SPATA16: variants seen among roughly 807,000 people sequenced by gnomAD.
SPATA16 encodes the protein spermatogenesis-associated protein 16.
In SPATA16, 36 loss-of-function variants were observed where a neutral mutation model predicts 63.3. The ratio of observed to expected loss-of-function variants is 0.57; its 90% CI spans 0.44 to 0.75. SPATA16 has a LOEUF of 0.75. Ranked by LOEUF, SPATA16 falls within the 30% of genes least tolerant of loss-of-function variation. SPATA16 has a pLI of 0.00. For missense variants in SPATA16, 646 were observed against 679.3 expected, an observed-to-expected ratio of 0.95 and a Z score of 0.54; for synonymous variants, 203 against 216.7, an observed-to-expected ratio of 0.94 and a Z score of 0.56.
At chr3:172,931,429 G>A (rs1052360626) in intron 6 of SPATA16, among the ~76,000 whole-genome samples, 1 of 152,032 alleles carries the variant, frequency 6.6e-6, no homozygotes, top group African/African-American at 2.4e-5. Context: ...TTAATTTTTA[G>A]TAGAGATGGG....
chr3:172,937,970 G>A (rs1560072615), intron 6 of SPATA16, among the ~76,000 whole-genome samples: 3 of 152,176 alleles, frequency 2.0e-5, no homozygotes, highest in South Asian at 4.2e-4. Flanking sequence ...CCTGAGAAGG[G>A]GGGTAAACAG....
chr3:172,907,121 A>C (rs28681616), intron 10 of SPATA16, among the ~76,000 whole-genome samples: 1 of 152,134 alleles, frequency 6.6e-6, no homozygotes, highest in Non-Finnish European at 1.5e-5. Context: ...CTGCAAGGGG[A>C]CTTAGAATCA....
At chr3:172,994,724 G>A (rs535982342) in intron 4 of SPATA16, among the ~76,000 whole-genome samples, 7 of 152,140 alleles carry the variant, frequency 4.6e-5, no homozygotes, top group African/African-American at 1.7e-4. Context: ...AAAGCATACT[G>A]CACATACAGT....
chr3:173,128,419 A>T (rs1738284153), intron 1 of SPATA16, among the ~76,000 whole-genome samples: 1 of 152,184 alleles, frequency 6.6e-6, no homozygotes, highest in Non-Finnish European at 1.5e-5. Flanking sequence ...TGTACTCACA[A>T]AAAGTTCATA....
chr3:173,027,032 A>G (rs1735468878), intron 3 of SPATA16, among the ~76,000 whole-genome samples: 1 of 151,928 alleles, frequency 6.6e-6, no homozygotes, highest in South Asian at 2.1e-4. Flanking sequence ...ATATTGAGTC[A>G]TCTGATCAAT....
rs533732674 is a variant in SPATA16, at chr3:173,019,719, C to T, written c.759-144G>A. On this transcript the variant is annotated intron_variant, in intron 3 of 10. Transcript: ENST00000351008. ...TAGTGAAAGGAGCCCTTCCCCGCCC[C>T]CCGTAATTGGCAATTAAGACAAATA... 50 of 720,400 alleles carry T rather than the reference C, an allele frequency of 6.9e-5. No homozygotes were observed. The South Asian group carries it at 7.6e-4, about 11-fold the overall frequency. The allele number at this position is 720,400 out of a possible 1,614,324, so 44.6% of individuals were successfully genotyped here.
At chr3:173,024,911 A>G (rs1735418765) in intron 3 of SPATA16, among the ~76,000 whole-genome samples, 1 of 150,714 alleles carries the variant, frequency 6.6e-6, no homozygotes, top group Non-Finnish European at 1.5e-5. Flanking sequence ...TTTTTACAAT[A>G]ATTTTAGCTT....
chr3:172,967,293 G>A (rs544793917), intron 5 of SPATA16, among the ~76,000 whole-genome samples: 1 of 152,224 alleles, frequency 6.6e-6, no homozygotes, highest in Admixed American at 6.5e-5. Flanking sequence ...GGCAAAAAAA[G>A]TAAAGAAAAA....
At chr3:172,962,253 CAAAAAAAAAAA>C (rs71162320) in intron 5 of SPATA16, among the ~76,000 whole-genome samples, 1 of 47,710 alleles carries the variant, frequency 2.1e-5, no homozygotes, top group Non-Finnish European at 3.6e-5. Flanking sequence ...GACTCTGTCT[CAAAAAAAAAAA>C]AAAAAAAAAA....
chr3:172,990,719 G>A (rs748692901), intron 4 of SPATA16, among the ~76,000 whole-genome samples: 4 of 152,162 alleles, frequency 2.6e-5, no homozygotes, highest in Admixed American at 6.6e-5. Flanking sequence ...GGAATAAAGT[G>A]TTATGCTCTT....
chr3:173,021,634 G>A (rs1180222400), intron 3 of SPATA16, among the ~76,000 whole-genome samples: 4 of 152,100 alleles, frequency 2.6e-5, no homozygotes, highest in African/African-American at 9.7e-5. Flanking sequence ...GTAAGTCAGA[G>A]TAGCTGAGGG....
intron 6 of SPATA16, among the ~76,000 whole-genome samples, chr3:172,930,553 CTTTTTTTT>C (rs34780432): frequency 1.0e-4 from 9 of 87,388 alleles, no homozygotes; most frequent in South Asian, 5.1e-4. Context: ...CATTCAAACT[CTTTTTTTT>C]TTTTTTTTTT....
Position 173,088,032 on chromosome 3 carries a change from T to A in SPATA16, c.612+29088A>T, listed in dbSNP as rs1177697534. Among the ~76,000 whole-genome samples the A allele has an allele frequency of 6.4e-4, 85 of 133,774 alleles. 3 individuals are homozygous for A. The highest frequency in any genetic ancestry group is 1.9e-3 in the African/African-American group (70 of 36,048). 87.8% of individuals were successfully genotyped at this position (133,774 alleles called of 152,430 possible). A position where few individuals can be genotyped will look rare whatever the true frequency, so the allele number is the denominator to read the frequency against. On this transcript the variant is annotated intron_variant, in intron 2 of 10. Coordinates refer to ENST00000351008, the MANE Select transcript of SPATA16 (RefSeq NM_031955.6). ...CGTCTTTCTTTCTTTCTTTCTTTCT[T>A]TCTTTCTTTCTTTCTTTCTTTCTTT...
chr3:173,064,897 G>A (rs7648142), intron 2 of SPATA16, among the ~76,000 whole-genome samples: 36,215 of 151,968 alleles, frequency 0.24, 5,860 homozygotes, highest in African/African-American at 0.47. Flanking sequence ...ACAAGCAGAG[G>A]AATACATCTA....
chr3:172,914,513 G>A lies in SPATA16; in HGVS notation c.1504-769C>T, dbSNP rs939988929. On this transcript the variant is annotated intron_variant, in intron 9 of 10. Transcript: ENST00000351008. ...CTTTCTTTGGTTTAGATATTGCAGCGTGAAAGCAGGAGGAGAGATAATTGA... is the reference window on the plus strand; with the variant it reads ...CTTTCTTTGGTTTAGATATTGCAGCATGAAAGCAGGAGGAGAGATAATTGA... 2.6e-5 allele frequency among the ~76,000 whole-genome samples: 4 copies of A among 152,086 alleles called. No individual in the cohort carries two copies. In the South Asian group the frequency reaches 6.2e-4, roughly 24 times the overall value.
chr3:172,894,019 A>T (rs1278810877), intron 10 of SPATA16, among the ~76,000 whole-genome samples: 1 of 152,212 alleles, frequency 6.6e-6, no homozygotes, highest in Non-Finnish European at 1.5e-5. Context: ...ATTCATCAGG[A>T]ATAAATATCA....
At chr3:173,014,449 AG>A (rs1735136080) in intron 4 of SPATA16, among the ~76,000 whole-genome samples, 1 of 152,304 alleles carries the variant, frequency 6.6e-6, no homozygotes, top group African/African-American at 2.4e-5. Flanking sequence ...GGAGAGAGGG[AG>A]GGGCGTAAGG....
At chr3:172,985,038 A>G (rs758257172) in intron 4 of SPATA16, among the ~76,000 whole-genome samples, 10 of 152,142 alleles carry the variant, frequency 6.6e-5, no homozygotes, top group Admixed American at 3.3e-4. Context: ...ATTTCATGTC[A>G]AGCTGTTGAC....
chr3:173,028,024 T>C (rs1735502528), intron 3 of SPATA16, among the ~76,000 whole-genome samples: 1 of 13,810 alleles, frequency 7.2e-5, no homozygotes, highest in African/African-American at 3.8e-4. Flanking sequence ...CCTTCCTTCT[T>C]TCCTTCCTTC....
Sources: allele counts gnomAD v4.1 joint callset (sites outside exome capture counted in the v4.1 genomes callset), GRCh38; gene constraint gnomAD v4.1.1; transcripts MANE v1.5; gene names NCBI Gene and HGNC (gene_info 2026-07-23, HGNC 2026-07-21).